Variants in IRAG1 observed in about 807,000 individuals in gnomAD.
IRAG1 encodes inositol 1,4,5-triphosphate receptor associated 1, also known as IP3R-associated cGMP kinase substrate.
A neutral mutation model predicts 106.2 loss-of-function variants in IRAG1; 62 were observed. The ratio of observed to expected loss-of-function variants is 0.58; its 90% CI spans 0.48 to 0.72. The LOEUF (loss-of-function observed/expected upper bound fraction) is 0.72. Ranked by LOEUF, IRAG1 falls within the 30% of genes least tolerant of loss-of-function variation. The probability of loss-of-function intolerance (pLI) is 0.00; values close to 1 mark genes in which losing one functional copy is unlikely to be tolerated. For missense variants in IRAG1, 1,064 were observed against 1,140.7 expected, an observed-to-expected ratio of 0.93 and a Z score of 0.97; for synonymous variants, 462 against 443.9, an observed-to-expected ratio of 1.04 and a Z score of -0.51.
At chr11:10,684,793 A>G (rs1007102126) in intron 1 of IRAG1, among the ~76,000 whole-genome samples, 4 of 152,104 alleles carry the variant, frequency 2.6e-5, no homozygotes, top group African/African-American at 9.7e-5. Flanking sequence ...AAGTTAGCCA[A>G]CATAGCCTTC....
intron 1 of IRAG1, among the ~76,000 whole-genome samples, chr11:10,692,517 G>A (rs1222474305): frequency 1.4e-5 from 2 of 143,324 alleles, no homozygotes; most frequent in East Asian, 1.9e-4. Context: ...GCATGTCATC[G>A]TCCCTCGGTG....
intron 15 of IRAG1, 46 bp from the exon 16 acceptor site, chr11:10,594,241 C>G (rs1343360492): frequency 6.4e-7 from 1 of 1,567,026 alleles, no homozygotes; most frequent in African/African-American, 1.4e-5. Context: ...AAGTTTCAGG[C>G]TAGGCACCAG....
Position 10,625,991 on chromosome 11 carries a change from A to G in IRAG1, c.1343T>C (p.Met448Thr). 6.7e-7 allele frequency: 1 copy of G among 1,490,912 alleles called. No homozygotes were observed. Among genetic ancestry groups the G allele is most frequent in the Non-Finnish European group, 8.9e-7 (1 of 1,120,254 alleles). The allele number at this position is 1,490,912 out of a possible 1,614,324, so 92.4% of individuals were successfully genotyped here. A position where few individuals can be genotyped will look rare whatever the true frequency, so the allele number is the denominator to read the frequency against. Residue 448 changes from methionine (M) to threonine (T), a missense_variant, in exon 9 of 21, where the codon ATG (methionine) becomes ACG (threonine). By Grantham distance (81) the Met-to-Thr change is moderately conservative. Transcript: ENST00000423302. Reference protein sequence around the residue: ...DFQIQVQPVRMQKLTKLREEH... With the variant: ...DFQIQVQPVRTQKLTKLREEH... ...CTCTCGGAGCTTGGTCAGTTTCTGC[A>G]TCCGCACGGGCTGCACTTGTATCTG...
intron 2 of IRAG1, among the ~76,000 whole-genome samples, chr11:10,645,160 C>T (rs1857843206): frequency 6.6e-6 from 1 of 152,144 alleles, no homozygotes; most frequent in African/African-American, 2.4e-5. Flanking sequence ...TAAACATTGA[C>T]TGAGTAAATG....
chr11:10,678,681 A>G (rs1400371909), intron 1 of IRAG1, among the ~76,000 whole-genome samples: 2 of 152,026 alleles, frequency 1.3e-5, no homozygotes, highest in East Asian at 3.9e-4. Context: ...GTATTCTCAG[A>G]CCCACCATTG....
intron 20 of IRAG1, 39 bp downstream of exon 20, chr11:10,580,416 T>C: frequency 1.3e-6 from 2 of 1,595,376 alleles, no homozygotes; most frequent in Non-Finnish European, 1.7e-6. Context: ...GTAACCCCCA[T>C]TTCAGCAACG....
chr11:10,678,043 T>C (rs892693521), intron 1 of IRAG1, among the ~76,000 whole-genome samples: 3 of 126,422 alleles, frequency 2.4e-5, no homozygotes, highest in Admixed American at 2.2e-4. Flanking sequence ...CATCTATCTG[T>C]CTATCCATCC....
In IRAG1 at chr11:10,605,790, C is replaced by A. The variant is rs544298718; in HGVS notation, c.1602+952G>T. Reference sequence around the variant, plus strand: ...TAGCCCAGTGATAGAAATTTTCTGCCTTACCCGGCCTTGGTCAAGTCTATG... The same window carrying A: ...TAGCCCAGTGATAGAAATTTTCTGCATTACCCGGCCTTGGTCAAGTCTATG... On this transcript the variant is annotated intron_variant, in intron 12 of 20. Transcript: ENST00000423302. Among the ~76,000 whole-genome samples, 4 of 152,360 alleles carry A rather than the reference C, an allele frequency of 2.6e-5. No homozygotes were observed. The South Asian group carries it at 8.3e-4, about 32-fold the overall frequency.
In IRAG1 at chr11:10,595,739, G is replaced by C. The variant is rs560839291; in HGVS notation, c.2018-1544C>G. ...ATTTTAGGTTCAGGGTACATGTGCAGGTGCATTACATAAACTTGTCATGAA... is the reference window on the plus strand; with the variant it reads ...ATTTTAGGTTCAGGGTACATGTGCACGTGCATTACATAAACTTGTCATGAA... On this transcript the variant is annotated intron_variant, in intron 15 of 20. Transcript: ENST00000423302. 3.9e-5 allele frequency: 6 copies of C among 152,182 alleles called. No homozygotes were observed. In the South Asian group the frequency reaches 1.2e-3, roughly 32 times the overall value. 9.4% of individuals were successfully genotyped at this position (152,182 alleles called of 1,614,324 possible). A position where few individuals can be genotyped will look rare whatever the true frequency, so the allele number is the denominator to read the frequency against.
rs1240545415 is a variant in IRAG1, at chr11:10,665,005, G to A, written c.68-12823C>T. Among the ~76,000 whole-genome samples the A allele has an allele frequency of 2.6e-5, 4 of 152,056 alleles. No homozygotes were observed. The highest frequency in any genetic ancestry group is 7.2e-5 in the African/African-American group (3 of 41,392). ...CCTTTTTTCTTAAGCTGGCTTGTAC[G>A]AGCTTTTTTGGCACTTGCAATAAAG... On this transcript the variant is annotated intron_variant, in intron 1 of 20. Transcript: ENST00000423302. The surrounding 1 kb of genome is among the most constrained non-coding windows in gnomAD (Gnocchi z 4.2).
At chr11:10,643,432 A>T (rs990019904) in intron 2 of IRAG1, among the ~76,000 whole-genome samples, 1 of 152,126 alleles carries the variant, frequency 6.6e-6, no homozygotes, top group Non-Finnish European at 1.5e-5. Context: ...GCCATTGTCC[A>T]TTTATTTCTA....
At chr11:10,650,902 A>G (rs1858431515) in intron 2 of IRAG1, among the ~76,000 whole-genome samples, 1 of 152,234 alleles carries the variant, frequency 6.6e-6, no homozygotes, top group Non-Finnish European at 1.5e-5. Flanking sequence ...TTCTTTTCTA[A>G]GTGTTTACTA....
At chr11:10,627,939 T>C (rs1354151574) in intron 7 of IRAG1, 34 bp downstream of exon 7, 13 of 1,589,098 alleles carry the variant, frequency 8.2e-6, no homozygotes, top group Non-Finnish European at 1.1e-5. Context: ...CCCATTGGCA[T>C]AGAAACAGCA....
intron 1 of IRAG1, among the ~76,000 whole-genome samples, chr11:10,680,425 AAGAGAG>A (rs1861134589): frequency 7.1e-6 from 1 of 141,226 alleles, no homozygotes; most frequent in Non-Finnish European, 1.5e-5. Context: ...GAAAGAAAGA[AAGAGAG>A]GGAAGGAAGG....
chr11:10,629,739 G>A (rs1363495267), intron 4 of IRAG1, 28 bp from the exon 5 acceptor site: 8 of 1,605,858 alleles, frequency 5.0e-6, no homozygotes, highest in Non-Finnish European at 6.8e-6. Context: ...GCTGGGGTGA[G>A]AGCCACTGCA....
chr11:10,586,331 G>A (rs2134149738), intron 18 of IRAG1, among the ~76,000 whole-genome samples: 1 of 152,092 alleles, frequency 6.6e-6, no homozygotes, highest in South Asian at 2.1e-4. Flanking sequence ...GCATCTTTAA[G>A]ACTAAGCTCA....
chr11:10,662,769 A>G (rs533441051), intron 1 of IRAG1, among the ~76,000 whole-genome samples: 1 of 152,304 alleles, frequency 6.6e-6, no homozygotes, highest in East Asian at 1.9e-4. Flanking sequence ...CCAGACCTGG[A>G]CTCATGGCTT....
intron 10 of IRAG1, among the ~76,000 whole-genome samples, chr11:10,612,757 C>T (rs747039061): frequency 7.2e-5 from 11 of 152,012 alleles, no homozygotes; most frequent in Non-Finnish European, 1.3e-4. Context: ...AAGTATGCTT[C>T]TGTGCAAAAT....
intron 10 of IRAG1, among the ~76,000 whole-genome samples, chr11:10,616,518 C>CAAAAACA (rs529210529): frequency 3.2e-4 from 49 of 151,728 alleles, no homozygotes; most frequent in African/African-American, 9.7e-4. Context: ...CATACCAAAG[C>CAAAAACA]AAAAACAAAA....
Sources: allele counts gnomAD v4.1 joint callset (sites outside exome capture counted in the v4.1 genomes callset), GRCh38; gene constraint gnomAD v4.1.1; non-coding constraint Gnocchi (gnomAD v3.1); transcripts MANE v1.5; gene names NCBI Gene and HGNC (gene_info 2026-07-23, HGNC 2026-07-21).